LINGO2: variants seen among roughly 807,000 people sequenced by gnomAD.
The protein encoded by LINGO2 is leucine-rich repeat and immunoglobulin-like domain-containing nogo receptor-interacting protein 2.
LINGO2 carries 14 observed loss-of-function variants against 30.6 expected under a neutral mutation model. The observed-to-expected ratio is 0.46, with a 90% CI of 0.30 to 0.72. The LOEUF (loss-of-function observed/expected upper bound fraction) is 0.72, where lower values mean the gene tolerates loss of function less well. LINGO2 is among the 30% of genes least tolerant of loss of function. The pLI is 0.07. For missense variants in LINGO2, 729 were observed against 751.7 expected (o/e 0.97, Z 0.35); for synonymous variants, 317 against 288.5 (o/e 1.10, Z -1.00).
chr9:28,518,397 C>G (rs1477161236), intron 1 of LINGO2, among the ~76,000 whole-genome samples: 3 of 152,116 alleles, frequency 2.0e-5, no homozygotes, highest in African/African-American at 7.2e-5. Context: ...ATTAATCAAT[C>G]ATTTATGAAG....
chr9:28,021,046 A>C (rs983017570), intron 4 of LINGO2, among the ~76,000 whole-genome samples: 2 of 151,284 alleles, frequency 1.3e-5, no homozygotes, highest in African/African-American at 2.4e-5. Flanking sequence ...ATTTTTGCTC[A>C]ATTTTTTTTT....
At chr9:28,702,731 T>G in the LINGO2 span, among the ~76,000 whole-genome samples, 1 of 151,894 alleles carries the variant, frequency 6.6e-6, no homozygotes, top group Non-Finnish European at 1.5e-5. Flanking sequence ...TCAATAAATG[T>G]TTGGTAAAAT....
Position 28,286,234 on chromosome 9 carries a change from G to C in LINGO2, c.-87+8974C>G, listed in dbSNP as rs540060832. On this transcript the variant is annotated intron_variant, in intron 4 of 5. Coordinates refer to ENST00000379992, the Ensembl canonical transcript of LINGO2. Reference sequence around the variant, plus strand: ...ACCAACTGGTCTGACCAACAAGAGAGAGATATGCTTCCTACTGCTAAAAAT... The same window carrying C: ...ACCAACTGGTCTGACCAACAAGAGACAGATATGCTTCCTACTGCTAAAAAT... 3.3e-5 allele frequency among the ~76,000 whole-genome samples: 5 copies of C among 152,280 alleles called. No individual in the cohort carries two copies. The East Asian group carries it at 9.7e-4, about 29-fold the overall frequency.
At chr9:28,729,933 A>T in the LINGO2 span, among the ~76,000 whole-genome samples, 2 of 152,086 alleles carry the variant, frequency 1.3e-5, no homozygotes, top group Admixed American at 1.3e-4. Context: ...TATTCCATAA[A>T]TATCCATAAT....
the LINGO2 span, among the ~76,000 whole-genome samples, chr9:28,990,836 C>G: frequency 6.6e-6 from 1 of 152,100 alleles, no homozygotes; most frequent in African/African-American, 2.4e-5. Flanking sequence ...AAAGGACATC[C>G]ACACCAAAAA....
the LINGO2 span, among the ~76,000 whole-genome samples, chr9:28,781,407 A>G: frequency 6.6e-6 from 1 of 152,304 alleles, no homozygotes; most frequent in Admixed American, 6.5e-5. Flanking sequence ...GGTGAAGAGG[A>G]AGACAGGCAG....
chr9:28,431,652 G>A lies in LINGO2; in HGVS notation c.-279+44288C>T, dbSNP rs181956437. 3.9e-5 allele frequency among the ~76,000 whole-genome samples: 6 copies of A among 152,192 alleles called. No homozygotes were observed. In the East Asian group the frequency reaches 1.2e-3, roughly 29 times the overall value. The stretch of plus-strand genomic sequence containing the variant: ...AGTTAGAAACCAAAAGATCAGTTAC[G>A]GTCATTCTCCCAGTTCATGGCAGTT... On this transcript the variant is annotated intron_variant, in intron 2 of 5. Coordinates refer to ENST00000379992, the Ensembl canonical transcript of LINGO2.
chr9:28,362,601 G>A (rs1431654534), intron 3 of LINGO2, among the ~76,000 whole-genome samples: 3 of 151,966 alleles, frequency 2.0e-5, no homozygotes, highest in African/African-American at 7.3e-5. Context: ...CTCCTGAGTA[G>A]CTGGGATTAC....
At chr9:28,262,169 A>G (rs1034664283) in intron 4 of LINGO2, among the ~76,000 whole-genome samples, 1 of 151,840 alleles carries the variant, frequency 6.6e-6, no homozygotes, top group Non-Finnish European at 1.5e-5. Context: ...GGATGTTGTA[A>G]TGGTACTTAC....
the LINGO2 span, among the ~76,000 whole-genome samples, chr9:28,833,662 C>T: frequency 6.6e-6 from 1 of 152,036 alleles, no homozygotes; most frequent in African/African-American, 2.4e-5. Context: ...ACATTCACAG[C>T]CTGTGTTATT....
chr9:28,580,798 T>C (rs1446947464), intron 1 of LINGO2, among the ~76,000 whole-genome samples: 1 of 151,944 alleles, frequency 6.6e-6, no homozygotes, highest in Admixed American at 6.6e-5. Context: ...GGAAAACAAA[T>C]AGGGATTTTG....
chr9:28,685,970 A>T, the LINGO2 span, among the ~76,000 whole-genome samples: 3 of 142,730 alleles, frequency 2.1e-5, no homozygotes, highest in African/African-American at 8.2e-5. Context: ...TATATATAAC[A>T]TATATGATGT....
chr9:28,048,331 CAAT>C (rs1587765436), intron 4 of LINGO2, among the ~76,000 whole-genome samples: 1 of 150,662 alleles, frequency 6.6e-6, no homozygotes, highest in African/African-American at 2.5e-5. Flanking sequence ...TTTTGTATAA[CAAT>C]AACTAAAATT....
intron 4 of LINGO2, among the ~76,000 whole-genome samples, chr9:28,038,175 A>T (rs1453744379): frequency 6.6e-6 from 1 of 152,184 alleles, no homozygotes; most frequent in South Asian, 2.1e-4. Flanking sequence ...GAAGCAACCC[A>T]ACATTTGTAA....
chr9:28,148,705 C>T lies in LINGO2; in HGVS notation c.-86-136300G>A, dbSNP rs889999351. 11 of 1,533,572 alleles carry T rather than the reference C, an allele frequency of 7.2e-6. No individual in the cohort carries two copies. The African/African-American group carries it at 1.4e-4, about 19-fold the overall frequency. 95.0% of individuals were successfully genotyped at this position (1,533,572 alleles called of 1,614,324 possible). ...TCTACTCCAACGGCCATGGAGTCGCCAGTTCACACAGCCCTGCTGGAGGCA... is the reference window on the plus strand; with the variant it reads ...TCTACTCCAACGGCCATGGAGTCGCTAGTTCACACAGCCCTGCTGGAGGCA... On this transcript the variant is annotated intron_variant, in intron 4 of 5. Transcript: ENST00000379992. The surrounding 1 kb of genome is among the most constrained non-coding windows in gnomAD (Gnocchi z 5.1).
chr9:28,930,324 G>A, the LINGO2 span, among the ~76,000 whole-genome samples: 1 of 152,130 alleles, frequency 6.6e-6, no homozygotes, highest in Non-Finnish European at 1.5e-5. This position sits in a 1 kb window ranked among gnomAD's most constrained non-coding sequence, Gnocchi z 4.2. Context: ...GTCCTCCTCT[G>A]TGCTCCCATT....
At chr9:28,506,513 T>TATATAG in intron 1 of LINGO2, among the ~76,000 whole-genome samples, 1 of 131,114 alleles carries the variant, frequency 7.6e-6, no homozygotes, top group African/African-American at 2.7e-5. Flanking sequence ...GACATATATA[T>TATATAG]ATATATATAA....
chr9:28,015,580 A>C (rs1822788796), intron 4 of LINGO2, among the ~76,000 whole-genome samples: 1 of 152,152 alleles, frequency 6.6e-6, no homozygotes, highest in African/African-American at 2.4e-5. Context: ...TGATATTTTC[A>C]ATTTTCAAAG....
chr9:28,527,127 A>G (rs1454901113), intron 1 of LINGO2, among the ~76,000 whole-genome samples: 1 of 152,184 alleles, frequency 6.6e-6, no homozygotes, highest in Non-Finnish European at 1.5e-5. Context: ...CTATCAAAAG[A>G]ACGTGGAGAT....
Sources: allele counts gnomAD v4.1 joint callset (sites outside exome capture counted in the v4.1 genomes callset), GRCh38; gene constraint gnomAD v4.1.1; non-coding constraint Gnocchi (gnomAD v3.1); transcripts MANE v1.5; gene names NCBI Gene and HGNC (gene_info 2026-07-23, HGNC 2026-07-21).